The following PDE4D variants were observed in gnomAD, a reference collection of about 807,000 sequenced individuals.
PDE4D encodes the protein phosphodiesterase 4D, also known as 3',5'-cyclic-AMP phosphodiesterase 4D.
A neutral mutation model predicts 87.4 loss-of-function variants in PDE4D; 24 were observed. That is an observed-to-expected ratio of 0.27 (90% confidence interval 0.20 to 0.39). PDE4D has a LOEUF of 0.39. Ranked by LOEUF, PDE4D falls within the 10% of genes least tolerant of loss-of-function variation. The probability of loss-of-function intolerance (pLI) is 1.00; values close to 1 mark genes in which losing one functional copy is unlikely to be tolerated. For synonymous variants in PDE4D, 384 were observed against 383.2 expected (o/e 1.00, Z -0.02); for missense variants, 714 against 1,041.0 (o/e 0.69, Z 4.32).
chr5:60,084,460 T>G (rs531332076), intron 2 of PDE4D, among the ~76,000 whole-genome samples: 1 of 152,224 alleles, frequency 6.6e-6, no homozygotes, highest in East Asian at 1.9e-4. Flanking sequence ...TATGGGCCTG[T>G]TTGAGAATTT....
At chr5:60,410,039 G>C (rs1741913875) in intron 1 of PDE4D, among the ~76,000 whole-genome samples, 1 of 152,184 alleles carries the variant, frequency 6.6e-6, no homozygotes, top group Non-Finnish European at 1.5e-5. Flanking sequence ...AAGGACATTT[G>C]GAGGGAGTTA....
intron 1 of PDE4D, among the ~76,000 whole-genome samples, chr5:60,365,128 C>T (rs1760408467): frequency 6.6e-6 from 1 of 152,128 alleles, no homozygotes; most frequent in Non-Finnish European, 1.5e-5. Flanking sequence ...TAAAATAATA[C>T]AGGAACATAT....
intron 1 of PDE4D, among the ~76,000 whole-genome samples, chr5:59,731,958 C>A (rs556021448): frequency 5.3e-5 from 8 of 152,198 alleles, no homozygotes; most frequent in South Asian, 2.1e-4. Flanking sequence ...CTAATGTGCA[C>A]AAAAGGTTTT....
intron 2 of PDE4D, among the ~76,000 whole-genome samples, chr5:59,196,276 C>T (rs767465117): frequency 2.0e-5 from 3 of 152,106 alleles, no homozygotes; most frequent in East Asian, 3.9e-4. Context: ...CACAAAGACA[C>T]GCAGGTAGTA....
At chr5:60,483,202 G>C (rs1027808956) in intron 1 of PDE4D, among the ~76,000 whole-genome samples, 16 of 152,100 alleles carry the variant, frequency 1.1e-4, no homozygotes, top group Non-Finnish European at 1.6e-4. Context: ...TCTGTTGCCT[G>C]CCCAGGCTGG....
chr5:59,521,833 T>C (rs1396405103), intron 1 of PDE4D, among the ~76,000 whole-genome samples: 1 of 152,220 alleles, frequency 6.6e-6, no homozygotes, highest in Non-Finnish European at 1.5e-5. Flanking sequence ...ATTCTAGATC[T>C]GTCACCCCAG....
intron 1 of PDE4D, among the ~76,000 whole-genome samples, chr5:59,300,449 A>G (rs1422283378): frequency 1.3e-5 from 2 of 152,122 alleles, no homozygotes; most frequent in Non-Finnish European, 2.9e-5. Flanking sequence ...ATCAATAATA[A>G]ATCCTAAATT....
At chr5:59,747,516 G>A (rs1030253106) in intron 1 of PDE4D, among the ~76,000 whole-genome samples, 7 of 152,080 alleles carry the variant, frequency 4.6e-5, no homozygotes, top group African/African-American at 1.4e-4. Context: ...CCTTAGTGCC[G>A]TCTGGGAATT....
At chr5:59,591,592 C>T (rs774645262) in intron 1 of PDE4D, among the ~76,000 whole-genome samples, 25 of 152,128 alleles carry the variant, frequency 1.6e-4, no homozygotes, top group Non-Finnish European at 3.2e-4. Flanking sequence ...TATATTTAGA[C>T]ATCAAAGAAT....
chr5:60,361,250 C>G (rs903033009), intron 1 of PDE4D, among the ~76,000 whole-genome samples: 9 of 151,998 alleles, frequency 5.9e-5, no homozygotes, highest in African/African-American at 2.2e-4. Context: ...GACTGGTTCC[C>G]AATAAATGTT....
At chr5:59,008,984 T>C (rs1295536720) in intron 6 of PDE4D, among the ~76,000 whole-genome samples, 1 of 152,046 alleles carries the variant, frequency 6.6e-6, no homozygotes, top group Non-Finnish European at 1.5e-5. Flanking sequence ...TGACCATCAT[T>C]AGACATTAGG....
At chr5:60,519,862 T>C (rs1750958489) in intron 1 of PDE4D, among the ~76,000 whole-genome samples, 1 of 152,236 alleles carries the variant, frequency 6.6e-6, no homozygotes, top group African/African-American at 2.4e-5. Flanking sequence ...CTATCCTTTG[T>C]TAAGAGCTTT....
At chr5:59,007,378 T>C (rs1751834696) in intron 6 of PDE4D, among the ~76,000 whole-genome samples, 1 of 152,200 alleles carries the variant, frequency 6.6e-6, no homozygotes, top group Non-Finnish European at 1.5e-5. Context: ...AATTTTTAAA[T>C]GTCCCTTGAA....
At chr5:60,182,061 G>T (rs1352957193) in intron 2 of PDE4D, among the ~76,000 whole-genome samples, 2 of 152,116 alleles carry the variant, frequency 1.3e-5, no homozygotes, top group Non-Finnish European at 2.9e-5. Flanking sequence ...CATCTGAAAA[G>T]TTAAATAGTA....
At position 59,000,846 on chromosome 5, in the gene PDE4D, G is replaced by A. The variant is rs183408480; in HGVS notation, c.922-7381C>T. ...TGGGATTACAGGCGCCCACCACCAC[G>A]CCTGGCTAATTTTTGTATTTTTAGC... On this transcript the variant is annotated intron_variant, in intron 6 of 14. Coordinates refer to ENST00000340635, the MANE Select transcript of PDE4D (RefSeq NM_001104631.2). Among the ~76,000 whole-genome samples the A allele has an allele frequency of 1.7e-3, 258 of 151,978 alleles. 3 individuals carry two copies. Among genetic ancestry groups the A allele is most frequent in the African/African-American group, 5.9e-3 (245 of 41,470 alleles).
chr5:60,122,888 A>G lies in PDE4D; in HGVS notation c.42+62669T>C, dbSNP rs991752807. 1.5e-4 allele frequency among the ~76,000 whole-genome samples: 23 copies of G among 152,290 alleles called. No homozygotes were observed. The South Asian group carries it at 4.8e-3, about 32-fold the overall frequency. The stretch of plus-strand genomic sequence containing the variant: ...TATAAAACTGAGTGCCTTTAACAGC[A>G]CTCAAGTCACCTCTTGAATACTTTG... On this transcript the variant is annotated intron_variant, in intron 2 of 16. Coordinates refer to the PDE4D transcript ENST00000502484.
At chr5:59,899,279 G>A (rs1751984677) in intron 3 of PDE4D, among the ~76,000 whole-genome samples, 1 of 151,992 alleles carries the variant, frequency 6.6e-6, no homozygotes, top group Non-Finnish European at 1.5e-5. Context: ...GAAAACACCT[G>A]TTCACCTGAT....
chr5:60,176,821 G>GT (rs904509083), intron 2 of PDE4D, among the ~76,000 whole-genome samples: 1 of 152,136 alleles, frequency 6.6e-6, no homozygotes, highest in Admixed American at 6.5e-5. Context: ...TGTAAAAGGA[G>GT]TTTTTTGTTG....
At chr5:59,368,378 A>T (rs1023786809) in intron 1 of PDE4D, among the ~76,000 whole-genome samples, 1 of 152,208 alleles carries the variant, frequency 6.6e-6, no homozygotes, top group African/African-American at 2.4e-5. Flanking sequence ...CATCTTAAAA[A>T]TATGGAGACA....
Sources: gnomAD v4.1 joint callset for allele counts (sites outside exome capture counted in the v4.1 genomes callset) on GRCh38, gnomAD v4.1.1 for gene constraint, MANE v1.5 for transcripts, NCBI Gene and HGNC (gene_info 2026-07-23, HGNC 2026-07-21) for gene names.